IGSF11: variants seen among roughly 807,000 people sequenced by gnomAD.
IGSF11 encodes immunoglobulin superfamily member 11.
IGSF11 carries 22 observed loss-of-function variants against 41.0 expected under a neutral mutation model. The ratio of observed to expected loss-of-function variants is 0.54; its 90% CI spans 0.38 to 0.77. The LOEUF (loss-of-function observed/expected upper bound fraction) is 0.77, where lower values mean the gene tolerates loss of function less well. IGSF11 is among the 30% of genes least tolerant of loss of function. The pLI, the probability that IGSF11 is intolerant of heterozygous loss-of-function variation, is 0.00. For missense variants in IGSF11, 444 were observed against 530.8 expected, an observed-to-expected ratio of 0.84 and a Z score of 1.61; for synonymous variants, 219 against 201.3, an observed-to-expected ratio of 1.09 and a Z score of -0.74.
rs972944231 is a variant in IGSF11, at chr3:119,005,635, A to G, written c.52+28896T>C. On this transcript the variant is annotated intron_variant, in intron 1 of 6. Coordinates refer to ENST00000393775, the MANE Select transcript of IGSF11 (RefSeq NM_001015887.3). ...CCTTTCCATGTTTAGCACTTCCTTC[A>G]GGAGCTCTTTTAGGGCAGGCCTGGT... Among the ~76,000 whole-genome samples the G allele has an allele frequency of 1.5e-4, 17 of 110,716 alleles. 1 individual carries two copies. Among genetic ancestry groups the G allele is most frequent in the East Asian group, 1.4e-3 (6 of 4,266 alleles). 72.6% of individuals were successfully genotyped at this position (110,716 alleles called of 152,430 possible).
At chr3:119,109,514 A>C (rs528254157), upstream of IGSF11, among the ~76,000 whole-genome samples, 1 of 152,078 alleles carries the variant, frequency 6.6e-6, no homozygotes, top group Non-Finnish European at 1.5e-5. Flanking sequence ...TGGTCTATGA[A>C]TTTTGTTGAT....
intron 3 of IGSF11, 73 bp downstream of exon 3, chr3:118,928,436 G>T: frequency 8.5e-7 from 1 of 1,182,458 alleles, no homozygotes; most frequent in Non-Finnish European, 1.3e-6. Context: ...TAGAAACAAG[G>T]GCAGAAGCAA....
At chr3:119,005,898 T>C (rs1299393586) in intron 1 of IGSF11, among the ~76,000 whole-genome samples, 5 of 137,138 alleles carry the variant, frequency 3.6e-5, no homozygotes, top group African/African-American at 1.6e-4. Context: ...CCCTTAACAC[T>C]TTTTCCTTCA....
At chr3:118,986,147 G>C (rs1263357151) in intron 1 of IGSF11, among the ~76,000 whole-genome samples, 1 of 152,024 alleles carries the variant, frequency 6.6e-6, no homozygotes, top group Non-Finnish European at 1.5e-5. Context: ...TCTCTTCAAG[G>C]AGCCACAGTT....
At chr3:119,121,171 A>T in intron 1 of IGSF11, among the ~76,000 whole-genome samples, 1 of 152,208 alleles carries the variant, frequency 6.6e-6, no homozygotes, top group South Asian at 2.1e-4. Flanking sequence ...TGAAAAAAAC[A>T]GGAAAATATC....
At chr3:119,076,605 A>T (rs2076503766) in intron 1 of IGSF11, among the ~76,000 whole-genome samples, 1 of 152,218 alleles carries the variant, frequency 6.6e-6, no homozygotes, top group Admixed American at 6.5e-5. Context: ...GGCAAAGGAT[A>T]CAAACAGACA....
At chr3:119,100,358 G>GTGGA (rs2076921163) in intron 1 of IGSF11, among the ~76,000 whole-genome samples, 1 of 152,218 alleles carries the variant, frequency 6.6e-6, no homozygotes, top group Admixed American at 6.5e-5. Flanking sequence ...GTGGGTTGAT[G>GTGGA]TGGAGTGTTG....
At chr3:119,079,642 T>A (rs1248425803) in intron 1 of IGSF11, among the ~76,000 whole-genome samples, 1 of 152,146 alleles carries the variant, frequency 6.6e-6, no homozygotes, top group Non-Finnish European at 1.5e-5. Flanking sequence ...TAGATGCCCA[T>A]CAATGGTGGG....
intron 4 of IGSF11, among the ~76,000 whole-genome samples, chr3:118,912,781 T>C (rs1212823795): frequency 6.6e-6 from 1 of 152,086 alleles, no homozygotes; most frequent in Non-Finnish European, 1.5e-5. Flanking sequence ...TTACAATTAT[T>C]AAACATATAC....
chr3:118,977,063 CA>C (rs1385342308), intron 1 of IGSF11, among the ~76,000 whole-genome samples: 1 of 152,178 alleles, frequency 6.6e-6, no homozygotes, highest in African/African-American at 2.4e-5. Context: ...AGCATTAGGA[CA>C]GTGATCATTT....
At chr3:118,913,391 A>G (rs1185880857) in intron 4 of IGSF11, among the ~76,000 whole-genome samples, 1 of 152,186 alleles carries the variant, frequency 6.6e-6, no homozygotes, top group Admixed American at 6.5e-5. Flanking sequence ...TAGGATCTAC[A>G]GAACACCAAG....
At chr3:118,998,563 C>T (rs1936497636) in intron 1 of IGSF11, among the ~76,000 whole-genome samples, 1 of 150,164 alleles carries the variant, frequency 6.7e-6, no homozygotes, top group South Asian at 2.1e-4. Flanking sequence ...TATCTGCACC[C>T]ACAAAGTATT....
Position 118,928,399 on chromosome 3 carries a change from A to G in IGSF11, c.424+110T>C, listed in dbSNP as rs112941413. On this transcript the variant is annotated intron_variant, in intron 3 of 6. Coordinates refer to ENST00000393775, the MANE Select transcript of IGSF11 (RefSeq NM_001015887.3). ...AAGAGATGGAACTGAGAGAAGACAG[A>G]AAAAGAACATAAGCAGACTGAAGGT... 1,926 of 757,536 alleles carry G rather than the reference A, an allele frequency of 2.5e-3. 30 individuals are homozygous for G. In the African/African-American group the frequency reaches 0.03, roughly 12 times the overall value. The allele number at this position is 757,536 out of a possible 1,614,324, so 46.9% of individuals were successfully genotyped here. A position where few individuals can be genotyped will look rare whatever the true frequency, so the allele number is the denominator to read the frequency against.
At chr3:119,027,376 C>G (rs931592866) in intron 1 of IGSF11, among the ~76,000 whole-genome samples, 9 of 152,010 alleles carry the variant, frequency 5.9e-5, no homozygotes, top group Admixed American at 5.2e-4. Flanking sequence ...CAGTGTGAGA[C>G]CAGATATTCT....
intron 1 of IGSF11, among the ~76,000 whole-genome samples, chr3:119,088,503 T>C (rs1478415486): frequency 6.6e-6 from 1 of 152,074 alleles, no homozygotes; most frequent in Non-Finnish European, 1.5e-5. Flanking sequence ...AATCTAACTT[T>C]GTGCCTAAAG....
At chr3:119,049,717 C>A (rs1162850181) in intron 1 of IGSF11, among the ~76,000 whole-genome samples, 3 of 152,110 alleles carry the variant, frequency 2.0e-5, no homozygotes, top group Non-Finnish European at 2.9e-5. Context: ...AAGAACAAAG[C>A]TGGAGGCATC....
chr3:118,926,080 G>A (rs966554310), intron 4 of IGSF11, 21 bp downstream of exon 4: 9 of 1,451,616 alleles, frequency 6.2e-6, no homozygotes, highest in Non-Finnish European at 8.3e-6. Context: ...AATAAAATGG[G>A]TAAAGCAGCA....
upstream of IGSF11, among the ~76,000 whole-genome samples, chr3:119,109,772 A>G (rs1338956638): frequency 6.6e-6 from 1 of 151,868 alleles, no homozygotes; most frequent in African/African-American, 2.4e-5. Flanking sequence ...TGTGTCCCAG[A>G]GATTCTGGTA....
At chr3:119,069,691 G>C (rs1023528706) in intron 1 of IGSF11, among the ~76,000 whole-genome samples, 2 of 151,512 alleles carry the variant, frequency 1.3e-5, no homozygotes, top group African/African-American at 4.9e-5. Context: ...AACAAAATTA[G>C]GAAAACTAGT....
Sources: allele counts gnomAD v4.1 joint callset (sites outside exome capture counted in the v4.1 genomes callset), GRCh38; gene constraint gnomAD v4.1.1; transcripts MANE v1.5; gene names NCBI Gene and HGNC (gene_info 2026-07-23, HGNC 2026-07-21).